Variants in ERMARD observed in about 807,000 individuals in gnomAD.
ERMARD encodes the protein endoplasmic reticulum membrane-associated RNA degradation protein.
ERMARD carries 71 observed loss-of-function variants against 83.9 expected under a neutral mutation model. The observed-to-expected ratio is 0.85, with a 90% CI of 0.70 to 1.03. The LOEUF (loss-of-function observed/expected upper bound fraction) is 1.03, where lower values mean the gene tolerates loss of function less well. Ranked by LOEUF, ERMARD falls within the 50% of genes least tolerant of loss-of-function variation. The pLI, the probability that ERMARD is intolerant of heterozygous loss-of-function variation, is 0.00. For missense variants in ERMARD, 838 were observed against 810.9 expected (o/e 1.03, Z -0.41); for synonymous variants, 284 against 298.6 (o/e 0.95, Z 0.50).
chr6:169,753,975 C>T lies in ERMARD; in HGVS notation c.118C>T (p.Gln40Ter). ...ENCDINSIVT[Q>*]NGEVCWKTIT... The stretch of plus-strand genomic sequence containing the variant: ...TTGTGATATCAATAGCATTGTAACT[C>T]AGAATGGTGAAGTATGCTGGAAAAC... The change falls in exon 2 of 18, where the codon CAG becomes TAG. Residue 40 changes from glutamine (Q) to a stop codon, truncating the protein, a stop_gained. Transcript: ENST00000366773. LOFTEE classifies it high-confidence loss of function. 1 of 1,613,464 alleles carries T rather than the reference C, an allele frequency of 6.2e-7. No homozygotes were observed. The highest frequency in any genetic ancestry group is 8.5e-7 in the Non-Finnish European group (1 of 1,179,610).
intron 16 of ERMARD, among the ~76,000 whole-genome samples, chr6:169,777,139 T>A (rs1393103357): frequency 6.6e-6 from 1 of 152,012 alleles, no homozygotes; most frequent in African/African-American, 2.4e-5. Context: ...TACTTGTGAG[T>A]GGGGGTAGAG....
chr6:169,753,174 C>T (rs1475001614), intron 1 of ERMARD: 1 of 154,356 alleles, frequency 6.5e-6, no homozygotes, highest in Non-Finnish European at 1.5e-5. Context: ...GGTACCTTAA[C>T]TGGTCTGGTA....
chr6:169,756,453 C>G lies in ERMARD; in HGVS notation c.417+14C>G. On this transcript the variant is annotated intron_variant, in intron 4 of 17. Transcript: ENST00000366773. ...GCCTTGGGTGATGTAAGTGTGAGAACTCTTTCATTATTGGCCCATTAAATT... is the reference window on the plus strand; with the variant it reads ...GCCTTGGGTGATGTAAGTGTGAGAAGTCTTTCATTATTGGCCCATTAAATT... The G allele has an allele frequency of 3.2e-6, 5 of 1,544,050 alleles. No homozygotes were observed. Among genetic ancestry groups the G allele is most frequent in the Non-Finnish European group, 4.4e-6 (5 of 1,126,818 alleles).
intron 13 of ERMARD, among the ~76,000 whole-genome samples, chr6:169,774,760 G>A (rs1462201833): frequency 6.6e-6 from 1 of 152,220 alleles, no homozygotes; most frequent in African/African-American, 2.4e-5. Flanking sequence ...GGCGTTGATG[G>A]CTGTGGTCCC....
At chr6:169,752,293 G>T (rs1790225470) in intron 1 of ERMARD, among the ~76,000 whole-genome samples, 1 of 152,176 alleles carries the variant, frequency 6.6e-6, no homozygotes, top group African/African-American at 2.4e-5. Context: ...TCTGATTACT[G>T]TAGCCCTACC....
intron 15 of ERMARD, 157 bp downstream of exon 15, chr6:169,776,222 C>T: frequency 6.6e-7 from 1 of 1,515,602 alleles, no homozygotes; most frequent in South Asian, 1.2e-5. Context: ...TAAGTTTTGA[C>T]AATCTCTGTG....
chr6:169,760,407 A>T (rs1489219318), intron 7 of ERMARD, among the ~76,000 whole-genome samples: 1 of 152,210 alleles, frequency 6.6e-6, no homozygotes, highest in Non-Finnish European at 1.5e-5. Flanking sequence ...CAGTTGGTCC[A>T]TCCTGAACTG....
At chr6:169,767,607 CATG>C (rs1792370525) in intron 10 of ERMARD, 2 of 171,046 alleles carry the variant, frequency 1.2e-5, no homozygotes. Context: ...CACACACACA[CATG>C]AACACATACC....
rs1282523472 is a variant in ERMARD, at chr6:169,753,863, G to A, written c.7-1G>A. 1 of 1,511,826 alleles carries A rather than the reference G, an allele frequency of 6.6e-7. No individual in the cohort carries two copies. Among genetic ancestry groups the A allele is most frequent in the African/African-American group, 1.4e-5 (1 of 70,674 alleles). 93.7% of individuals were successfully genotyped at this position (1,511,826 alleles called of 1,614,324 possible). A position where few individuals can be genotyped will look rare whatever the true frequency, so the allele number is the denominator to read the frequency against. On this transcript the variant is annotated splice_acceptor_variant, in intron 1 of 17. Transcript: ENST00000366773. LOFTEE classifies it high-confidence loss of function. ...GCCTTTTATTTTATTTTATTTTTTA[G>A]GTATTAATAGGGGACCCTATTACCA... is the stretch of plus-strand genomic sequence containing the variant.
At chr6:169,770,833 T>C (rs1465641186) in intron 12 of ERMARD, 1 of 152,124 alleles carries the variant, frequency 6.6e-6, no homozygotes, top group Non-Finnish European at 1.5e-5. Context: ...ACTAGATGTT[T>C]ATAATTCCTT....
chr6:169,775,476 A>T, intron 14 of ERMARD, 130 bp downstream of exon 14: 1 of 1,015,584 alleles, frequency 9.8e-7, no homozygotes, highest in African/African-American at 1.6e-5. Flanking sequence ...TTGGTGGCTG[A>T]TGCAGGCTGT....
intron 10 of ERMARD, 82 bp downstream of exon 10, chr6:169,766,749 A>G (rs1352839826): frequency 1.4e-6 from 2 of 1,387,728 alleles, no homozygotes; most frequent in African/African-American, 3.0e-5. Context: ...TGCAAAATTA[A>G]AGATCAGCCA....
chr6:169,764,187 G>C (rs1213981348), intron 9 of ERMARD, among the ~76,000 whole-genome samples: 1 of 151,786 alleles, frequency 6.6e-6, no homozygotes, highest in Non-Finnish European at 1.5e-5. Context: ...GCCCACCCGA[G>C]CTCATCTCAC....
At chr6:169,780,329 G>A (rs1470717085) in intron 17 of ERMARD, among the ~76,000 whole-genome samples, 2 of 152,128 alleles carry the variant, frequency 1.3e-5, no homozygotes, top group South Asian at 4.1e-4. Flanking sequence ...TATCCCCTGG[G>A]GGATAAAATC....
chr6:169,751,928 G>T (rs1790159043), intron 1 of ERMARD: 1 of 492,382 alleles, frequency 2.0e-6, no homozygotes, highest in Non-Finnish European at 3.4e-6. Flanking sequence ...GAGCTGGAAC[G>T]CGGCGGACGG....
At chr6:169,771,073 C>CTTTCTTTTTTTTTTTTTTTTTTTTT (rs1792849948) in intron 12 of ERMARD, 1 of 134,778 alleles carries the variant, frequency 7.4e-6, no homozygotes. Flanking sequence ...TTTTTCTTTT[C>CTTTCTTTTTTTTTTTTTTTTTTTTT]TTTCTTTTTT....
intron 15 of ERMARD, 34 bp from the exon 16 acceptor site, chr6:169,776,421 A>T: frequency 6.2e-7 from 1 of 1,601,804 alleles, no homozygotes; most frequent in Non-Finnish European, 8.5e-7. Context: ...GGTGAGGATC[A>T]TGATGCCTGC....
At position 169,773,181 on chromosome 6, in the gene ERMARD, G is replaced by A. The variant is rs9478007; in HGVS notation, c.1234-138G>A. ...GCCATGTCAAGCCTATTTTAATGAAGCACTTGCTTTTCTAGCTGCATAGAA... is the reference window on the plus strand; with the variant it reads ...GCCATGTCAAGCCTATTTTAATGAAACACTTGCTTTTCTAGCTGCATAGAA... On this transcript the variant is annotated intron_variant, in intron 12 of 17. Coordinates refer to ENST00000366773, the MANE Select transcript of ERMARD (RefSeq NM_018341.3). The A allele has an allele frequency of 0.15, 98,067 of 640,948 alleles. 8,914 individuals carry two copies. The highest frequency in any genetic ancestry group is 0.33 in the African/African-American group (17,906 of 54,626). The allele number at this position is 640,948 out of a possible 1,614,324, so 39.7% of individuals were successfully genotyped here.
chr6:169,759,545 G>T (rs1282876343), intron 6 of ERMARD, among the ~76,000 whole-genome samples: 1 of 152,008 alleles, frequency 6.6e-6, no homozygotes, highest in Non-Finnish European at 1.5e-5. Context: ...TCAGCCTCCT[G>T]AGTAGCTGGG....
Sources: gnomAD v4.1 joint callset for allele counts (sites outside exome capture counted in the v4.1 genomes callset) on GRCh38, gnomAD v4.1.1 for gene constraint, MANE v1.5 for transcripts, NCBI Gene and HGNC (gene_info 2026-07-23, HGNC 2026-07-21) for gene names.